Variants in STARD8 observed in about 807,000 individuals in gnomAD.
STARD8 encodes StAR related lipid transfer domain containing 8.
STARD8 carries 25 observed loss-of-function variants against 69.4 expected under a neutral mutation model. The ratio of observed to expected loss-of-function variants is 0.36; its 90% confidence interval spans 0.26 to 0.50. The LOEUF is 0.50. Among genes scored for constraint, STARD8 ranks in the 20% least tolerant of loss-of-function variants. The probability of loss-of-function intolerance (pLI) is 0.96; values close to 1 mark genes in which losing one functional copy is unlikely to be tolerated. For missense variants in STARD8, 921 were observed against 932.5 expected (o/e 0.99, Z 0.16); for synonymous variants, 389 against 374.6 (o/e 1.04, Z -0.45).
At chrX:68,652,786 ACACACACACAC>A (rs2079557653) in intron 1 of STARD8, among the ~76,000 whole-genome samples, 1 of 57,371 alleles carries the variant, frequency 1.7e-5, no homozygotes, top group Admixed American at 2.0e-4. Flanking sequence ...CACACACCAC[ACACACACACAC>A]CACACACCAC....
At chrX:68,674,449 G>C (rs1773630288) in intron 2 of STARD8, among the ~76,000 whole-genome samples, 1 of 110,953 alleles carries the variant, frequency 9.0e-6, no homozygotes, top group South Asian at 3.8e-4. Flanking sequence ...AGGTACTTTG[G>C]GGATGCAAAA....
intron 2 of STARD8, among the ~76,000 whole-genome samples, chrX:68,698,889 G>C (rs2079943807): frequency 9.0e-6 from 1 of 111,359 alleles, no homozygotes; most frequent in African/African-American, 3.3e-5. Flanking sequence ...CCCCACTCAA[G>C]ACCCTTTTCT....
At chrX:68,697,537 A>G (rs749012006) in intron 2 of STARD8, among the ~76,000 whole-genome samples, 50 of 112,282 alleles carry the variant, frequency 4.5e-4, no homozygotes, top group Non-Finnish European at 8.6e-4. Context: ...CAGGTCTGGG[A>G]GAATTCTGGG....
At chrX:68,704,408 T>C (rs1464412721) in intron 2 of STARD8, among the ~76,000 whole-genome samples, 1 of 110,872 alleles carries the variant, frequency 9.0e-6, no homozygotes, top group African/African-American at 3.3e-5. Flanking sequence ...CTTTAGGTTG[T>C]AGAGTAGGGG....
chrX:68,716,493 C>T (rs754464080), intron 5 of STARD8, 62 bp downstream of exon 5: 24 of 1,108,430 alleles, frequency 2.2e-5, no homozygotes, highest in South Asian at 1.2e-4. Context: ...CCAGGGCATA[C>T]GTAAACCATT....
chrX:68,717,416 G>C lies in STARD8; in HGVS notation c.502G>C (p.Glu168Gln), dbSNP rs149322857. Reference sequence around the variant, plus strand: ...AGTCATCACCGTGAGCCTACCACCCGAGCCAGCAGACTTGCCCTTGCCAGG... The same window carrying C: ...AGTCATCACCGTGAGCCTACCACCCCAGCCAGCAGACTTGCCCTTGCCAGG... ...LPVITVSLPP[E>Q]PADLPLPGRA... is the part of the protein sequence containing the mutation. Residue 168 changes from glutamate to glutamine, a missense_variant, in exon 6 of 15, where the codon GAG becomes CAG. Coordinates refer to ENST00000374599, the MANE Select transcript of STARD8 (RefSeq NM_001142503.3). The C allele has an allele frequency of 6.6e-6, 8 of 1,207,195 alleles. No individual in the cohort carries two copies. The African/African-American group carries it at 1.1e-4, about 16-fold the overall frequency.
At chrX:68,662,976 G>A (rs1463821277) in intron 1 of STARD8, among the ~76,000 whole-genome samples, 1 of 111,893 alleles carries the variant, frequency 8.9e-6, no homozygotes, top group East Asian at 2.8e-4. Context: ...CCTAATGAAT[G>A]AGTGAATAAA....
At chrX:68,688,671 G>A (rs781736741) in intron 2 of STARD8, among the ~76,000 whole-genome samples, 1,234 of 112,151 alleles carry the variant, frequency 0.011, 13 homozygotes, top group African/African-American at 0.038. Flanking sequence ...ATAGCCCCAA[G>A]GTGAGCTGGG....
At chrX:68,654,218 C>T (rs747927567) in intron 1 of STARD8, among the ~76,000 whole-genome samples, 59 of 111,668 alleles carry the variant, frequency 5.3e-4, no homozygotes, top group Non-Finnish European at 1.0e-3. Flanking sequence ...CAGGACACAG[C>T]GGATTCCAAT....
At chrX:68,653,240 A>G (rs2079578050) in intron 1 of STARD8, among the ~76,000 whole-genome samples, 1 of 42,409 alleles carries the variant, frequency 2.4e-5, no homozygotes, top group Non-Finnish European at 4.4e-5. Flanking sequence ...CACCACACAC[A>G]CACACCACAC....
intron 9 of STARD8, 42 bp from the exon 10 acceptor site, chrX:68,721,494 T>C: frequency 8.4e-7 from 1 of 1,191,198 alleles, no homozygotes; most frequent in Non-Finnish European, 1.1e-6. Flanking sequence ...CTAAGGCCTC[T>C]GGGGAAGTAA....
chrX:68,647,886 C>T lies in STARD8; in HGVS notation c.4C>T (p.Pro2Ser). The T allele has an allele frequency of 8.3e-7, 1 of 1,199,833 alleles. No individual in the cohort carries two copies. Among genetic ancestry groups the T allele is most frequent in the Non-Finnish European group, 1.1e-6 (1 of 889,553 alleles). The stretch of plus-strand genomic sequence containing the variant: ...TAGAAGCTCCCCACGCGCCACCATG[C>T]CTCTGCTGGACGTTTTCTGGTCTTG... M[P>S]LLDVFWSCFR... The change falls in exon 1 of 15, where the codon CCT becomes TCT. Residue 2 changes from proline to serine, a missense_variant. Transcript: ENST00000374599.
At chrX:68,706,323 G>A (rs1455346159) in intron 2 of STARD8, among the ~76,000 whole-genome samples, 1 of 112,069 alleles carries the variant, frequency 8.9e-6, no homozygotes, top group Non-Finnish European at 1.9e-5. Context: ...TTTCCTCCCT[G>A]TGCCTCCCTC....
Position 68,718,207 on chromosome X carries a change from A to G in STARD8, c.1293A>G (p.Thr431=), listed in dbSNP as rs747279256. The G allele has an allele frequency of 1.7e-6, 2 of 1,211,597 alleles. No individual in the cohort carries two copies. The highest frequency in any genetic ancestry group is 2.2e-6 in the Non-Finnish European group (2 of 895,448). The change falls in exon 6 of 15, where the codon ACA becomes ACG. Residue 431 remains threonine, a synonymous_variant. Transcript: ENST00000374599. ...CCACTTCATCAGTAGAAATAGCCAC[A>G]GTTGAGGTCAAATGCCAAGCTGAGG... is the stretch of plus-strand genomic sequence containing the variant. ...EEATSSVEIA[T]VEVKCQAEAL...
intron 5 of STARD8, among the ~76,000 whole-genome samples, chrX:68,716,857 T>C (rs2080095573): frequency 8.9e-6 from 1 of 112,535 alleles, no homozygotes; most frequent in Non-Finnish European, 1.9e-5. Context: ...GTTGTGATTC[T>C]AATCTAAGAC....
chrX:68,675,073 C>T (rs959812497), intron 2 of STARD8, among the ~76,000 whole-genome samples: 1 of 109,432 alleles, frequency 9.1e-6, no homozygotes, highest in Non-Finnish European at 1.9e-5. Flanking sequence ...TCTCCTGCCT[C>T]AGCCTCCCCG....
At chrX:68,673,980 T>C (rs960724208) in intron 2 of STARD8, among the ~76,000 whole-genome samples, 2 of 111,678 alleles carry the variant, frequency 1.8e-5, no homozygotes, top group Non-Finnish European at 1.9e-5. Context: ...CATATAATTG[T>C]TGTGGAATAG....
At chrX:68,682,136 C>T (rs1488534609) in intron 2 of STARD8, among the ~76,000 whole-genome samples, 2 of 110,317 alleles carry the variant, frequency 1.8e-5, no homozygotes, top group Non-Finnish European at 3.8e-5. Context: ...GTAGCTGGGA[C>T]TACAGGCGCA....
Position 68,717,894 on chromosome X carries a change from T to C in STARD8, c.980T>C (p.Leu327Pro). 8.3e-7 allele frequency: 1 copy of C among 1,207,725 alleles called. No homozygotes were observed. The change falls in exon 6 of 15, where the codon CTG becomes CCG. Residue 327 changes from leucine to proline, a missense_variant. Leu to Pro is a moderately conservative substitution (Grantham distance 98). Coordinates refer to ENST00000374599, the MANE Select transcript of STARD8 (RefSeq NM_001142503.3). ...ESLCPEDGHR[L>P]ADWQPGRRWG... ...CTGTGTCCTGAGGATGGACACCGCC[T>C]GGCAGACTGGCAGCCAGGTAGGCGG...
Sources: allele counts gnomAD v4.1 joint callset (sites outside exome capture counted in the v4.1 genomes callset), GRCh38; gene constraint gnomAD v4.1.1; transcripts MANE v1.5; gene names NCBI Gene and HGNC (gene_info 2026-07-23, HGNC 2026-07-21).